The following FGF21 variants were observed in gnomAD, a reference collection of about 807,000 sequenced individuals.
FGF21 encodes fibroblast growth factor 21.
A neutral mutation model predicts 13.4 loss-of-function variants in FGF21; 13 were observed. That is an observed-to-expected ratio of 0.97 (90% CI 0.63 to 1.54). FGF21 has a LOEUF of 1.54. Among genes scored for constraint, FGF21 ranks in the 40% most tolerant of loss-of-function variants. The probability of loss-of-function intolerance (pLI) is 0.00; values close to 1 mark genes in which losing one functional copy is unlikely to be tolerated. For synonymous variants in FGF21, 124 were observed against 123.6 expected (o/e 1.00, Z -0.02); for missense variants, 303 against 272.4 (o/e 1.11, Z -0.79).
At position 48,756,249 on chromosome 19, in the gene FGF21, G is replaced by A. The variant is rs574758901; in HGVS notation, c.13G>A (p.Glu5Lys). ...ACCCGAGCCATTGATGGACTCGGAC[G>A]AGACCGGGTTCGAGCACTCAGGACT... MDSD[E>K]TGFEHSGLWV... The change falls in exon 2 of 4, where the codon GAG (glutamate) becomes AAG (lysine). Residue 5 changes from glutamate to lysine, a missense_variant. Coordinates refer to ENST00000593756, the MANE Select transcript of FGF21 (RefSeq NM_019113.4). 1.9e-5 allele frequency: 30 copies of A among 1,613,462 alleles called. No homozygotes were observed. In the South Asian group the frequency reaches 1.9e-4, roughly 10 times the overall value.
intron 2 of FGF21, 102 bp from the exon 3 acceptor site, chr19:48,756,824 T>C: frequency 1.1e-6 from 1 of 938,336 alleles, no homozygotes; most frequent in East Asian, 2.4e-5. Flanking sequence ...GGGCTTGGAC[T>C]CCCAGGGCTG....
intron 3 of FGF21, among the ~76,000 whole-genome samples, chr19:48,757,394 A>T (rs1459298639): frequency 6.6e-6 from 1 of 152,150 alleles, no homozygotes; most frequent in Non-Finnish European, 1.5e-5. Context: ...CAGTAAAGTG[A>T]CCAGGACCTT....
At chr19:48,756,897 C>T (rs373896577) in intron 2 of FGF21, 29 bp from the exon 3 acceptor site, 38 of 1,580,160 alleles carry the variant, frequency 2.4e-5, no homozygotes, top group Non-Finnish European at 2.9e-5. Flanking sequence ...GAGAGGTCCT[C>T]GAACCACCTT....
At position 48,756,556 on chromosome 19, in the gene FGF21, C is replaced by CTGGA; in HGVS notation, c.235+86_235+87insGGAT. 9.8e-6 allele frequency: 13 copies of CTGGA among 1,330,726 alleles called. 1 individual carries two copies. Among genetic ancestry groups the CTGGA allele is most frequent in the South Asian group, 9.7e-5 (7 of 72,496 alleles). The allele number at this position is 1,330,726 out of a possible 1,614,324, so 82.4% of individuals were successfully genotyped here. The stretch of plus-strand genomic sequence containing the variant: ...GTCTGAGGGAGGAGGGGCTGGGGGC[C>CTGGA]TTGGCCCCTGGGTCTGAGGGAGGAG... On this transcript the variant is annotated intron_variant, in intron 2 of 3. Coordinates refer to ENST00000593756, the MANE Select transcript of FGF21 (RefSeq NM_019113.4).
At position 48,758,070 on chromosome 19, in the gene FGF21, A is replaced by C. The variant is rs2034140402; in HGVS notation, c.480A>C (p.Gly160=). ...KSPHRDPAPR[G]PARFLPLPGL... Reference sequence around the variant, plus strand: ...CACACCGGGACCCTGCACCCCGAGGACCAGCTCGCTTCCTGCCACTACCAG... The same window carrying C: ...CACACCGGGACCCTGCACCCCGAGGCCCAGCTCGCTTCCTGCCACTACCAG... The change falls in exon 4 of 4, where the codon GGA becomes GGC. Residue 160 remains glycine, a synonymous_variant. Transcript: ENST00000593756. 1 of 1,612,540 alleles carries C rather than the reference A, an allele frequency of 6.2e-7. No homozygotes were observed. Among genetic ancestry groups the C allele is most frequent in the Non-Finnish European group, 8.5e-7 (1 of 1,179,684 alleles).
In FGF21 at chr19:48,756,919, C is replaced by A. The variant is rs1599770727; in HGVS notation, c.236-7C>A. 6.2e-7 allele frequency: 1 copy of A among 1,611,758 alleles called. No individual in the cohort carries two copies. The highest frequency in any genetic ancestry group is 8.5e-7 in the Non-Finnish European group (1 of 1,178,000). ...CCTCGAACCACCTTATCGCTTTCAC[C>A]CCTTAGGTCTCCTGCAGCTGAAAGC... is the stretch of plus-strand genomic sequence containing the variant. On this transcript the variant is annotated splice_polypyrimidine_tract_variant and splice_region_variant and intron_variant, in intron 2 of 3. Transcript: ENST00000593756.
intron 3 of FGF21, among the ~76,000 whole-genome samples, chr19:48,757,369 CGGG>C (rs2034123028): frequency 1.3e-5 from 2 of 152,174 alleles, no homozygotes; most frequent in Admixed American, 1.3e-4. Flanking sequence ...CAGGGACACT[CGGG>C]GAAGCCATGG....
At chr19:48,756,809 G>A (rs1599770558) in intron 2 of FGF21, 117 bp from the exon 3 acceptor site, 2 of 820,224 alleles carry the variant, frequency 2.4e-6, no homozygotes, top group South Asian at 1.5e-5. Context: ...GAGGAGGTAG[G>A]CTGTGGGCTT....
At position 48,756,898 on chromosome 19, in the gene FGF21, G is replaced by A. The variant is rs375934003; in HGVS notation, c.236-28G>A. On this transcript the variant is annotated intron_variant, in intron 2 of 3. Coordinates refer to ENST00000593756, the MANE Select transcript of FGF21 (RefSeq NM_019113.4). Reference sequence around the variant, plus strand: ...ACAGTCCCGGGTGGGAGAGGTCCTCGAACCACCTTATCGCTTTCACCCCTT... The same window carrying A: ...ACAGTCCCGGGTGGGAGAGGTCCTCAAACCACCTTATCGCTTTCACCCCTT... 2.5e-6 allele frequency: 4 copies of A among 1,583,384 alleles called. No individual in the cohort carries two copies. In the African/African-American group the frequency reaches 5.4e-5, roughly 21 times the overall value.
Position 48,757,046 on chromosome 19 carries a change from CT to C in FGF21, c.339+18del, listed in dbSNP as rs1255904388. The stretch of plus-strand genomic sequence containing the variant: ...TATGGATCGGTGAGTTTCCAGGACC[CT>C]CCTCACCACCCACCATGCTCCTCCT... On this transcript the variant is annotated intron_variant, in intron 3 of 3. Coordinates refer to ENST00000593756, the MANE Select transcript of FGF21 (RefSeq NM_019113.4). The C allele has an allele frequency of 6.3e-7, 1 of 1,581,468 alleles. No homozygotes were observed. The highest frequency in any genetic ancestry group is 1.3e-5 in the African/African-American group (1 of 74,274).
At chr19:48,756,817 C>T in intron 2 of FGF21, 109 bp from the exon 3 acceptor site, 1 of 881,948 alleles carries the variant, frequency 1.1e-6, no homozygotes, top group Non-Finnish European at 1.8e-6. Context: ...AGGCTGTGGG[C>T]TTGGACTCCC....
Position 48,755,562 on chromosome 19 carries a change from G to T in FGF21, c.-569G>T, listed in dbSNP as rs2034079475. The T allele has an allele frequency of 6.6e-6, 1 of 152,278 alleles. No individual in the cohort carries two copies. The allele number at this position is 152,278 out of a possible 1,614,324, so 9.4% of individuals were successfully genotyped here. Reference sequence around the variant, plus strand: ...AGGTTGGCCCACGGCCAGGTGAGAGGCTTCCAAGGCAGGATACTTGTGTCT... The same window carrying T: ...AGGTTGGCCCACGGCCAGGTGAGAGTCTTCCAAGGCAGGATACTTGTGTCT... On this transcript the variant is annotated 5_prime_UTR_variant, in exon 1 of 4. Coordinates refer to ENST00000593756, the MANE Select transcript of FGF21 (RefSeq NM_019113.4).
At position 48,758,110 on chromosome 19, in the gene FGF21, C is replaced by G; in HGVS notation, c.520C>G (p.Leu174Val). 1 of 1,610,882 alleles carries G rather than the reference C, an allele frequency of 6.2e-7. No individual in the cohort carries two copies. The highest frequency in any genetic ancestry group is 1.7e-5 in the Admixed American group (1 of 59,720). ...GCCACTACCAGGCCTGCCCCCCGCACTCCCGGAGCCACCCGGAATCCTGGC... is the reference window on the plus strand; with the variant it reads ...GCCACTACCAGGCCTGCCCCCCGCAGTCCCGGAGCCACCCGGAATCCTGGC... ...FLPLPGLPPA[L>V]PEPPGILAPQ... The change falls in exon 4 of 4, where the codon CTC (leucine) becomes GTC (valine). Residue 174 changes from leucine to valine, a missense_variant. Transcript: ENST00000593756.
chr19:48,756,664 T>TC, intron 2 of FGF21, among the ~76,000 whole-genome samples, 193 bp downstream of exon 2: 2 of 119,252 alleles, frequency 1.7e-5, no homozygotes, highest in Non-Finnish European at 3.5e-5. Context: ...AGGGGCTGGG[T>TC]CTGGACCCCT....
chr19:48,758,151 T>A lies in FGF21; in HGVS notation c.561T>A (p.Asp187Glu). Reference protein sequence around the residue: ...PPGILAPQPPDVGSSDPLSMV... With the variant: ...PPGILAPQPPEVGSSDPLSMV... ...GAATCCTGGCCCCCCAGCCCCCCGA[T>A]GTGGGCTCCTCGGACCCTCTGAGCA... Residue 187 changes from aspartate to glutamate, a missense_variant, in exon 4 of 4, where the codon GAT (aspartate) becomes GAA (glutamate). By Grantham distance (45) the Asp-to-Glu change is conservative (BLOSUM62 2). Coordinates refer to ENST00000593756, the MANE Select transcript of FGF21 (RefSeq NM_019113.4). 1.2e-6 allele frequency: 2 copies of A among 1,612,150 alleles called. No homozygotes were observed. Among genetic ancestry groups the A allele is most frequent in the Non-Finnish European group, 1.7e-6 (2 of 1,179,726 alleles).
At chr19:48,755,825 T>C (rs1357665185) in intron 1 of FGF21, 41 bp downstream of exon 1, 3 of 172,954 alleles carry the variant, frequency 1.7e-5, no homozygotes, top group Admixed American at 5.8e-5. Flanking sequence ...GACTCAGGAA[T>C]GTGGGCCCCC....
Position 48,756,444 on chromosome 19 carries a change from G to C in FGF21, c.208G>C (p.Gly70Arg), listed in dbSNP as rs767816365. 5.6e-6 allele frequency: 9 copies of C among 1,613,296 alleles called. No individual in the cohort carries two copies. The African/African-American group carries it at 8.0e-5, about 14-fold the overall frequency. Residue 70 changes from glycine to arginine, a missense_variant, in exon 2 of 4, where the codon GGG becomes CGG. By Grantham distance (125) the Gly-to-Arg change is moderately radical. Coordinates refer to ENST00000593756, the MANE Select transcript of FGF21 (RefSeq NM_019113.4). ...HLEIREDGTV[G>R]GAADQSPESL... The stretch of plus-strand genomic sequence containing the variant: ...GGAGATCAGGGAGGATGGGACGGTG[G>C]GGGGCGCTGCTGACCAGAGCCCCGA...
rs781566307 is a variant in FGF21, at chr19:48,756,225, C to G, written c.-12C>G. On this transcript the variant is annotated 5_prime_UTR_variant, in exon 2 of 4. Transcript: ENST00000593756. The stretch of plus-strand genomic sequence containing the variant: ...TCACACCCCGGAGATCACCTGAGGA[C>G]CCGAGCCATTGATGGACTCGGACGA... 9 of 1,606,972 alleles carry G rather than the reference C, an allele frequency of 5.6e-6. No homozygotes were observed. Among genetic ancestry groups the G allele is most frequent in the Non-Finnish European group, 7.7e-6 (9 of 1,174,316 alleles).
At position 48,756,889 on chromosome 19, in the gene FGF21, G is replaced by A. The variant is rs183960568; in HGVS notation, c.236-37G>A. ...GGTGGTGGGACAGTCCCGGGTGGGA[G>A]AGGTCCTCGAACCACCTTATCGCTT... On this transcript the variant is annotated intron_variant, in intron 2 of 3. Transcript: ENST00000593756. 6.0e-3 allele frequency: 9,179 copies of A among 1,520,398 alleles called. 37 individuals carry two copies. Among genetic ancestry groups the A allele is most frequent in the Non-Finnish European group, 7.8e-3 (8,566 of 1,096,388 alleles). The allele number at this position is 1,520,398 out of a possible 1,614,324, so 94.2% of individuals were successfully genotyped here. A position where few individuals can be genotyped will look rare whatever the true frequency, so the allele number is the denominator to read the frequency against.
Sources: allele counts gnomAD v4.1 joint callset (sites outside exome capture counted in the v4.1 genomes callset), GRCh38; gene constraint gnomAD v4.1.1; transcripts MANE v1.5; gene names NCBI Gene and HGNC (gene_info 2026-07-23, HGNC 2026-07-21).